The following ATXN7L1 variants were observed in gnomAD, a reference collection of about 807,000 sequenced individuals.
ATXN7L1 encodes ataxin 7 like 1.
ATXN7L1 carries 15 observed loss-of-function variants against 70.8 expected under a neutral mutation model. The observed-to-expected ratio is 0.21, with a 90% CI of 0.14 to 0.33. ATXN7L1 has a LOEUF of 0.33. ATXN7L1 is among the 10% of genes least tolerant of loss of function. The pLI is 1.00. For synonymous variants in ATXN7L1, 440 were observed against 445.1 expected, an observed-to-expected ratio of 0.99 and a Z score of 0.14; for missense variants, 975 against 1,097.1, an observed-to-expected ratio of 0.89 and a Z score of 1.57.
rs1563048984 is a variant in ATXN7L1 at position 105,733,621 on chromosome 7, TC to T, written c.355+54982del. Among the ~76,000 whole-genome samples the T allele has an allele frequency of 1.4e-3, 137 of 99,392 alleles. 7 individuals carry two copies. Among genetic ancestry groups the T allele is most frequent in the East Asian group, 6.4e-3 (22 of 3,428 alleles). The allele number at this position is 99,392 out of a possible 152,430, so 65.2% of individuals were successfully genotyped here. A position where few individuals can be genotyped will look rare whatever the true frequency, so the allele number is the denominator to read the frequency against. On this transcript the variant is annotated intron_variant, in intron 3 of 11. Coordinates refer to ENST00000419735, the MANE Select transcript of ATXN7L1 (RefSeq NM_020725.2). ...ATCCATCCACCCATCCATCCATCCATCCATCCATCCACCCATCCATCCATCC... is the reference window on the plus strand; with the variant it reads ...ATCCATCCACCCATCCATCCATCCATCATCCATCCACCCATCCATCCATCC...
intron 7 of ATXN7L1, among the ~76,000 whole-genome samples, chr7:105,628,737 G>A (rs552567895): frequency 1.1e-4 from 16 of 151,968 alleles, no homozygotes; most frequent in African/African-American, 3.9e-4. Flanking sequence ...AGTTTGCAGT[G>A]AGCCGAGATC....
At position 105,723,945 on chromosome 7, in the gene ATXN7L1, A is replaced by G. The variant is rs373457272; in HGVS notation, c.356-58657T>C. 2.6e-5 allele frequency among the ~76,000 whole-genome samples: 4 copies of G among 152,328 alleles called. No individual in the cohort carries two copies. The East Asian group carries it at 5.8e-4, about 22-fold the overall frequency. ...ATGCTTGCTGAAAAGTCTGGATTTT[A>G]GAACTGAAAGACACTGCTCGATGTA... On this transcript the variant is annotated intron_variant, in intron 3 of 11. Transcript: ENST00000419735.
At chr7:105,703,254 G>A (rs1371354382) in intron 3 of ATXN7L1, among the ~76,000 whole-genome samples, 2 of 149,362 alleles carry the variant, frequency 1.3e-5, no homozygotes, top group Non-Finnish European at 2.9e-5. Context: ...GCGGTGAGCC[G>A]AGATCCCGTC....
chr7:105,759,333 C>T (rs1800219386), intron 3 of ATXN7L1, among the ~76,000 whole-genome samples: 1 of 151,782 alleles, frequency 6.6e-6, no homozygotes, highest in African/African-American at 2.4e-5. Context: ...TTGGGCCACT[C>T]ACTCCCAAGA....
chr7:105,689,565 G>A (rs1790467278), intron 3 of ATXN7L1, among the ~76,000 whole-genome samples: 1 of 152,148 alleles, frequency 6.6e-6, no homozygotes, highest in Non-Finnish European at 1.5e-5. Context: ...ATTCCTAGCT[G>A]AGATGCATAC....
chr7:105,690,312 G>A (rs918149653), intron 3 of ATXN7L1, among the ~76,000 whole-genome samples: 3 of 152,158 alleles, frequency 2.0e-5, no homozygotes, highest in African/African-American at 7.2e-5. Context: ...GCAAAAAAAA[G>A]CATTCATATG....
intron 3 of ATXN7L1, among the ~76,000 whole-genome samples, chr7:105,750,674 G>GCGTGGTGACAGGCGTGGTGGCATA (rs1799099631): frequency 6.6e-6 from 1 of 152,116 alleles, no homozygotes; most frequent in African/African-American, 2.4e-5. Context: ...ATGGTGGCAG[G>GCGTGGTGACAGGCGTGGTGGCATA]CGCCTGTAAT....
At chr7:105,752,090 T>C (rs961154219) in intron 3 of ATXN7L1, among the ~76,000 whole-genome samples, 19 of 152,366 alleles carry the variant, frequency 1.2e-4, no homozygotes, top group African/African-American at 3.8e-4. Context: ...ACAAGGTGGT[T>C]GTTTTTGCAT....
intron 3 of ATXN7L1, among the ~76,000 whole-genome samples, chr7:105,745,146 G>C (rs535092010): frequency 2.0e-5 from 3 of 152,188 alleles, no homozygotes; most frequent in Middle Eastern, 3.4e-3. Flanking sequence ...GAATATCTTT[G>C]TTTTTAGAAA....
At chr7:105,613,017 C>T (rs751697011) in intron 10 of ATXN7L1, among the ~76,000 whole-genome samples, 16 of 152,240 alleles carry the variant, frequency 1.1e-4, no homozygotes, top group East Asian at 3.9e-4. Context: ...CCAGAGAATC[C>T]GAGGCCAGGC....
chr7:105,627,535 CT>C (rs75673147), intron 7 of ATXN7L1, among the ~76,000 whole-genome samples: 297 of 134,196 alleles, frequency 2.2e-3, no homozygotes, highest in Middle Eastern at 4.4e-3. Context: ...TGTGCTAGGC[CT>C]TTTTTTTTTT....
At chr7:105,704,585 T>TCTC (rs201845167) in intron 3 of ATXN7L1, among the ~76,000 whole-genome samples, 2,070 of 66,998 alleles carry the variant, frequency 0.031, 55 homozygotes, top group Non-Finnish European at 0.043. Context: ...GTTTTATCTC[T>TCTC]TTTTTTTTTT....
intron 3 of ATXN7L1, among the ~76,000 whole-genome samples, chr7:105,668,575 T>C (rs1803018134): frequency 6.6e-6 from 1 of 152,046 alleles, no homozygotes. Flanking sequence ...GCATGCACCA[T>C]CACGCCTGGA....
chr7:105,835,298 G>T (rs984090445), intron 2 of ATXN7L1, among the ~76,000 whole-genome samples: 5 of 151,482 alleles, frequency 3.3e-5, no homozygotes, highest in Non-Finnish European at 5.9e-5. Flanking sequence ...GGGACTACAG[G>T]CGCATGCCAC....
At chr7:105,619,233 T>C (rs2115775135) in intron 9 of ATXN7L1, among the ~76,000 whole-genome samples, 1 of 131,942 alleles carries the variant, frequency 7.6e-6, no homozygotes, top group African/African-American at 2.8e-5. Context: ...CTGCAAACTC[T>C]GCCTTCCGGG....
At chr7:105,727,744 G>GTATATATATATATA (rs1205624280) in intron 3 of ATXN7L1, among the ~76,000 whole-genome samples, 3 of 31,706 alleles carry the variant, frequency 9.5e-5, no homozygotes, top group African/African-American at 6.9e-4. Flanking sequence ...GTGTGTATGT[G>GTATATATATATATA]TGTATATATA....
chr7:105,816,917 G>C (rs1809279960), intron 2 of ATXN7L1, among the ~76,000 whole-genome samples: 1 of 152,228 alleles, frequency 6.6e-6, no homozygotes, highest in African/African-American at 2.4e-5. Context: ...ACCCCAGCAG[G>C]TGGGGTTCAT....
At chr7:105,733,036 C>T (rs1042410946) in intron 3 of ATXN7L1, among the ~76,000 whole-genome samples, 4 of 152,232 alleles carry the variant, frequency 2.6e-5, no homozygotes, top group African/African-American at 9.6e-5. Context: ...ATCAGCTTCA[C>T]TTTTCTTTCT....
At chr7:105,862,929 C>G (rs188176220) in intron 2 of ATXN7L1, among the ~76,000 whole-genome samples, 1 of 152,320 alleles carries the variant, frequency 6.6e-6, no homozygotes, top group African/African-American at 2.4e-5. Context: ...CTCTCAGAGA[C>G]AGTGACAACT....
Sources: gnomAD v4.1 joint callset for allele counts (sites outside exome capture counted in the v4.1 genomes callset) on GRCh38, gnomAD v4.1.1 for gene constraint, MANE v1.5 for transcripts, NCBI Gene and HGNC (gene_info 2026-07-23, HGNC 2026-07-21) for gene names.